Variants in NRXN2 observed in about 807,000 individuals in gnomAD.
NRXN2 encodes the protein neurexin 2.
In NRXN2, 29 loss-of-function variants were observed where a neutral mutation model predicts 128.8. The observed-to-expected ratio is 0.23, with a 90% confidence interval of 0.17 to 0.31. The LOEUF is 0.31. Ranked by LOEUF, NRXN2 falls within the 10% of genes least tolerant of loss-of-function variation. The probability of loss-of-function intolerance (pLI) is 1.00; values close to 1 mark genes in which losing one functional copy is unlikely to be tolerated. For synonymous variants in NRXN2, 1,098 were observed against 1,075.2 expected, an observed-to-expected ratio of 1.02 and a Z score of -0.41; for missense variants, 1,881 against 2,452.6, an observed-to-expected ratio of 0.77 and a Z score of 4.92.
In NRXN2 at chr11:64,607,493, G is replaced by A. The variant is rs755709887; in HGVS notation, c.4842C>T (p.Pro1614=). 1.1e-5 allele frequency: 18 copies of A among 1,601,320 alleles called. No individual in the cohort carries two copies. In the African/African-American group the frequency reaches 2.3e-4, roughly 20 times the overall value. The change falls in exon 23 of 23, where the codon CCC becomes CCT. Residue 1614 remains proline, a synonymous_variant. Coordinates refer to ENST00000265459, the MANE Select transcript of NRXN2 (RefSeq NM_015080.4). ...PGFPHLPTAN[P]TGPGERGPPG... is the part of the protein sequence containing the mutation. ...GCGGGCCCCGCTCCCCAGGCCCTGT[G>A]GGGTTGGCTGTGGGCAGATGGGGGA...
At position 64,630,274 on chromosome 11, in the gene NRXN2, A is replaced by T; in HGVS notation, c.3757+128T>A. 1 of 846,758 alleles carries T rather than the reference A, an allele frequency of 1.2e-6. No homozygotes were observed. The highest frequency in any genetic ancestry group is 1.8e-6 in the Non-Finnish European group (1 of 570,340). The allele number at this position is 846,758 out of a possible 1,614,324, so 52.5% of individuals were successfully genotyped here. On this transcript the variant is annotated intron_variant, in intron 19 of 22. Transcript: ENST00000265459. This position sits in a 1 kb window ranked among gnomAD's most constrained non-coding sequence, Gnocchi z 4.6. ...GCCTCGCAAGCTTCGTCTCTCCAGTAGCCCCGCCCCAGAGCCGCTTAGCCC... is the reference window on the plus strand; with the variant it reads ...GCCTCGCAAGCTTCGTCTCTCCAGTTGCCCCGCCCCAGAGCCGCTTAGCCC...
In NRXN2 at chr11:64,714,034, C is replaced by T. The variant is rs1240872537; in HGVS notation, c.-244-91G>A. 6.5e-6 allele frequency: 1 copy of T among 152,928 alleles called. No individual in the cohort carries two copies. The highest frequency in any genetic ancestry group is 6.5e-5 in the Admixed American group (1 of 15,302). The allele number at this position is 152,928 out of a possible 1,614,324, so 9.5% of individuals were successfully genotyped here. A position where few individuals can be genotyped will look rare whatever the true frequency, so the allele number is the denominator to read the frequency against. On this transcript the variant is annotated intron_variant, in intron 1 of 22. Transcript: ENST00000265459. The surrounding 1 kb of genome is among the most constrained non-coding windows in gnomAD (Gnocchi z 4.5). ...TCGGTGCCGGGCTCCCCACGCATAT[C>T]AGCAGGCACCAGACTGTTTCCCTGC...
intron 19 of NRXN2, among the ~76,000 whole-genome samples, chr11:64,628,115 A>G (rs2043338432): frequency 6.6e-6 from 1 of 152,236 alleles, no homozygotes; most frequent in African/African-American, 2.4e-5. Context: ...AGGGAGGCTG[A>G]GTATACAAAA....
chr11:64,636,329 C>T (rs952110190), intron 17 of NRXN2, among the ~76,000 whole-genome samples: 2 of 149,776 alleles, frequency 1.3e-5, no homozygotes, highest in Non-Finnish European at 3.0e-5. Context: ...AGGTCCCTAA[C>T]GATCTCAGCC....
Position 64,660,376 on chromosome 11 carries a change from C to A in NRXN2, c.2345G>T (p.Arg782Leu). The change falls in exon 11 of 23, where the codon CGC (arginine) becomes CTC (leucine). Residue 782 changes from arginine (R) to leucine (L), a missense_variant. This residue lies in a region of NRXN2 where 997 missense variants were observed against 1,240.8 expected (regional missense o/e 0.80). Transcript: ENST00000265459. The surrounding 1 kb of genome is among the most constrained non-coding windows in gnomAD (Gnocchi z 5.2). ...TTSRESADTL[R>L]LELDGGQMKL... ...CATCTGCCCCCCATCCAGCTCCAGG[C>A]GTAGGGTGTCGGCAGACTCCCTGGA... The A allele has an allele frequency of 7.4e-6, 12 of 1,614,102 alleles. No homozygotes were observed. Among genetic ancestry groups the A allele is most frequent in the Non-Finnish European group, 1.0e-5 (12 of 1,180,024 alleles).
At chr11:64,705,130 T>C (rs2056092848) in intron 2 of NRXN2, among the ~76,000 whole-genome samples, 2 of 152,150 alleles carry the variant, frequency 1.3e-5, no homozygotes, top group South Asian at 4.1e-4. Flanking sequence ...AGGGAGAAGG[T>C]GTGGCCCAAG....
intron 17 of NRXN2, among the ~76,000 whole-genome samples, chr11:64,636,985 A>G (rs1157141757): frequency 1.3e-5 from 2 of 152,088 alleles, no homozygotes; most frequent in Non-Finnish European, 2.9e-5. Flanking sequence ...CTGCAGGCCC[A>G]GGGAGGTGCT....
chr11:64,718,213 A>T (rs1463556523), intron 1 of NRXN2, among the ~76,000 whole-genome samples: 2 of 152,086 alleles, frequency 1.3e-5, no homozygotes, highest in Non-Finnish European at 1.5e-5. Context: ...ATGGTGATCC[A>T]TGCCCACACA....
chr11:64,706,952 ATTTT>A (rs371730762), intron 2 of NRXN2, among the ~76,000 whole-genome samples: 5 of 135,140 alleles, frequency 3.7e-5, no homozygotes, highest in Non-Finnish European at 3.2e-5. Flanking sequence ...GTGTATCCCC[ATTTT>A]TTTTTTTTTT....
chr11:64,606,764 T>C lies in NRXN2; in HGVS notation c.*432A>G, dbSNP rs913243942. The C allele has an allele frequency of 1.1e-5, 2 of 174,128 alleles. No homozygotes were observed. The highest frequency in any genetic ancestry group is 1.1e-4 in the Admixed American group (2 of 18,020). The allele number at this position is 174,128 out of a possible 1,614,324, so 10.8% of individuals were successfully genotyped here. On this transcript the variant is annotated 3_prime_UTR_variant, in exon 23 of 23. Coordinates refer to ENST00000265459, the MANE Select transcript of NRXN2 (RefSeq NM_015080.4). Reference sequence around the variant, plus strand: ...AGACACAGCAAGCCTGGGATGGGGATTGGAGGGCTTGGGAAGAGAAGGAAG... The same window carrying C: ...AGACACAGCAAGCCTGGGATGGGGACTGGAGGGCTTGGGAAGAGAAGGAAG...
At chr11:64,697,887 G>C in intron 2 of NRXN2, 95 bp from the exon 3 acceptor site, 6 of 1,472,002 alleles carry the variant, frequency 4.1e-6, no homozygotes, top group Non-Finnish European at 5.6e-6. Flanking sequence ...TCCAAGGGGA[G>C]AGAGGAGTCC....
At chr11:64,620,811 A>G (rs1179565244) in intron 21 of NRXN2, among the ~76,000 whole-genome samples, 3 of 150,216 alleles carry the variant, frequency 2.0e-5, no homozygotes, top group Non-Finnish European at 4.4e-5. Flanking sequence ...CTCCAGCTTC[A>G]CCACCCATCA....
intron 2 of NRXN2, among the ~76,000 whole-genome samples, chr11:64,703,851 C>A (rs2055830485): frequency 1.3e-5 from 2 of 152,198 alleles, no homozygotes; most frequent in Admixed American, 1.3e-4. Flanking sequence ...TATATTAATT[C>A]ACTTAGTTCT....
At chr11:64,649,594 G>A (rs76245596) in intron 15 of NRXN2, among the ~76,000 whole-genome samples, 5 of 152,110 alleles carry the variant, frequency 3.3e-5, no homozygotes, top group Admixed American at 6.5e-5. Flanking sequence ...GTGACACATC[G>A]CCCCCTTCTG....
intron 5 of NRXN2, chr11:64,688,507 G>A (rs897525674): frequency 1.3e-5 from 13 of 985,338 alleles, no homozygotes; most frequent in African/African-American, 5.2e-5. Flanking sequence ...TGAGCCTGTA[G>A]GGGCGGCGGA....
intron 4 of NRXN2, among the ~76,000 whole-genome samples, chr11:64,690,857 G>A (rs1354587266): frequency 2.0e-5 from 3 of 151,982 alleles, no homozygotes; most frequent in Non-Finnish European, 2.9e-5. Context: ...CATTCTCCTT[G>A]CCTCCTCCAT....
chr11:64,616,411 T>C (rs778368505), intron 22 of NRXN2, among the ~76,000 whole-genome samples: 32 of 152,300 alleles, frequency 2.1e-4, no homozygotes, highest in Non-Finnish European at 3.4e-4. Context: ...GATCTGAACA[T>C]GCATACAGGT....
Position 64,660,888 on chromosome 11 carries a change from G to A in NRXN2, c.2050C>T (p.Pro684Ser). ...TTCAGCGTCTCCCGGGAGCAAAAGGGGGCAACGCCCACAGCCCCCTGAGCC... is the reference window on the plus strand; with the variant it reads ...TTCAGCGTCTCCCGGGAGCAAAAGGAGGCAACGCCCACAGCCCCCTGAGCC... ...AEAQGAVGVA[P>S]FCSRETLKQC... Residue 684 changes from proline to serine, a missense_variant, in exon 10 of 23, where the codon CCC becomes TCC. By Grantham distance (74) the Pro-to-Ser change is moderately conservative (BLOSUM62 -1). This residue lies in a region of NRXN2 where 997 missense variants were observed against 1,240.8 expected (regional missense o/e 0.80). Coordinates refer to ENST00000265459, the MANE Select transcript of NRXN2 (RefSeq NM_015080.4). The surrounding 1 kb of genome is among the most constrained non-coding windows in gnomAD (Gnocchi z 5.2). 6.2e-7 allele frequency: 1 copy of A among 1,613,620 alleles called. No homozygotes were observed. Among genetic ancestry groups the A allele is most frequent in the Non-Finnish European group, 8.5e-7 (1 of 1,179,726 alleles).
chr11:64,620,536 GCCT>G (rs975005029), intron 21 of NRXN2, among the ~76,000 whole-genome samples, 164 bp from the exon 22 acceptor site: 38 of 152,120 alleles, frequency 2.5e-4, no homozygotes, highest in African/African-American at 9.2e-4. Flanking sequence ...CTGACCTCGG[GCCT>G]CCATTTCCTG....
Sources: allele counts gnomAD v4.1 joint callset (sites outside exome capture counted in the v4.1 genomes callset), GRCh38; gene constraint gnomAD v4.1.1; regional missense constraint gnomAD v4.1.1; non-coding constraint Gnocchi (gnomAD v3.1); transcripts MANE v1.5; gene names NCBI Gene and HGNC (gene_info 2026-07-23, HGNC 2026-07-21).